The following TPCN1 variants were observed in gnomAD, a reference collection of about 807,000 sequenced individuals.
The protein encoded by TPCN1 is two pore channel protein 1.
TPCN1 carries 52 observed loss-of-function variants against 108.8 expected under a neutral mutation model. The ratio of observed to expected loss-of-function variants is 0.48; its 90% CI spans 0.38 to 0.60. The LOEUF (loss-of-function observed/expected upper bound fraction) is 0.60. Ranked by LOEUF, TPCN1 falls within the 20% of genes least tolerant of loss-of-function variation. TPCN1 has a pLI of 0.00. For synonymous variants in TPCN1, 446 were observed against 433.7 expected, an observed-to-expected ratio of 1.03 and a Z score of -0.35; for missense variants, 806 against 1,072.8, an observed-to-expected ratio of 0.75 and a Z score of 3.47.
chr12:113,273,253 A>G lies in TPCN1; in HGVS notation c.805A>G (p.Ser269Gly). 6.2e-7 allele frequency: 1 copy of G among 1,614,244 alleles called. No individual in the cohort carries two copies. The highest frequency in any genetic ancestry group is 8.5e-7 in the Non-Finnish European group (1 of 1,180,046). The change falls in exon 9 of 28, where the codon AGC (serine) becomes GGC (glycine). Residue 269 changes from serine (S) to glycine (G), a missense_variant. Ser to Gly is a moderately conservative substitution (Grantham distance 56, BLOSUM62 0). Transcript: ENST00000335509. The surrounding 1 kb of genome is among the most constrained non-coding windows in gnomAD (Gnocchi z 4.0). ...GCAGTACTTCAGCACCCTGGAGAAC[A>G]GCATCGTCAGTCTGTTTGTCCTTCT... ...SDPYFSTLEN[S>G]IVSLFVLLTT... is the part of the protein sequence containing the mutation.
At chr12:113,228,212 C>G (rs1953544117) in intron 2 of TPCN1, among the ~76,000 whole-genome samples, 1 of 152,304 alleles carries the variant, frequency 6.6e-6, no homozygotes, top group Middle Eastern at 3.4e-3. Flanking sequence ...GAGATTTGAA[C>G]CCAGCATCAT....
At chr12:113,246,486 CTGCATGTGGAGCT>C (rs1210122709) in intron 2 of TPCN1, among the ~76,000 whole-genome samples, 1 of 152,232 alleles carries the variant, frequency 6.6e-6, no homozygotes, top group East Asian at 1.9e-4. Flanking sequence ...TTTCTGAAAC[CTGCATGTGGAGCT>C]TGCTGGCTGT....
chr12:113,252,526 C>CTAGTG (rs1294918085), intron 2 of TPCN1, among the ~76,000 whole-genome samples: 2 of 152,216 alleles, frequency 1.3e-5, no homozygotes, highest in African/African-American at 2.4e-5. Context: ...ACACTCGTGT[C>CTAGTG]TAGTGTCAAG....
chr12:113,234,831 G>GT (rs1953824051), intron 2 of TPCN1, among the ~76,000 whole-genome samples: 1 of 152,142 alleles, frequency 6.6e-6, no homozygotes, highest in Non-Finnish European at 1.5e-5. Context: ...ACATTTGCCA[G>GT]TTTTTCAAAA....
chr12:113,261,849 C>T (rs941228271), intron 3 of TPCN1, among the ~76,000 whole-genome samples: 2 of 152,004 alleles, frequency 1.3e-5, no homozygotes, highest in Admixed American at 1.3e-4. Context: ...GCACCCCCCA[C>T]CCCCTTACAT....
At chr12:113,293,109 C>A in intron 26 of TPCN1, 36 bp downstream of exon 26, 2 of 1,602,956 alleles carry the variant, frequency 1.2e-6, no homozygotes, top group Non-Finnish European at 8.5e-7. Context: ...AGGAGGGAGG[C>A]AGGTTTCAGT....
chr12:113,236,549 G>A (rs904413065), intron 2 of TPCN1, among the ~76,000 whole-genome samples: 3 of 151,912 alleles, frequency 2.0e-5, no homozygotes, highest in African/African-American at 7.3e-5. Flanking sequence ...AAGGAGGGGG[G>A]TTGCAGTGAG....
chr12:113,250,634 T>A (rs1954597277), intron 2 of TPCN1, among the ~76,000 whole-genome samples: 1 of 152,184 alleles, frequency 6.6e-6, no homozygotes, highest in African/African-American at 2.4e-5. Flanking sequence ...AACAGGCCAG[T>A]TGTTGGTCTT....
At chr12:113,265,209 C>A (rs184564075) in intron 3 of TPCN1, among the ~76,000 whole-genome samples, 1 of 152,306 alleles carries the variant, frequency 6.6e-6, no homozygotes, top group Non-Finnish European at 1.5e-5. Context: ...ATATAACTTA[C>A]GATAATAGCA....
At chr12:113,254,999 A>G (rs1479622103) in intron 2 of TPCN1, among the ~76,000 whole-genome samples, 2 of 152,276 alleles carry the variant, frequency 1.3e-5, no homozygotes. Context: ...AGACAAAGAT[A>G]TCCCTTCTCA....
chr12:113,269,842 C>A lies in TPCN1; in HGVS notation c.745C>A (p.Leu249Ile). ...LLFFMIIFAILGFYLFSPNPS... is the reference protein window; with the variant it reads ...LLFFMIIFAIIGFYLFSPNPS... The stretch of plus-strand genomic sequence containing the variant: ...GTTCTTCATGATCATCTTTGCCATC[C>A]TCGGTGAGTTCCCGCCTCTCAGGCC... The change falls in exon 7 of 28, where the codon CTC (leucine) becomes ATC (isoleucine). Residue 249 changes from leucine to isoleucine, a missense_variant. Coordinates refer to ENST00000335509, the MANE Select transcript of TPCN1 (RefSeq NM_017901.6). The surrounding 1 kb of genome is among the most constrained non-coding windows in gnomAD (Gnocchi z 5.0). The A allele has an allele frequency of 6.2e-7, 1 of 1,613,862 alleles. No individual in the cohort carries two copies. Among genetic ancestry groups the A allele is most frequent in the Non-Finnish European group, 8.5e-7 (1 of 1,179,988 alleles).
intron 2 of TPCN1, among the ~76,000 whole-genome samples, chr12:113,254,019 A>G (rs1459635071): frequency 6.6e-6 from 1 of 152,220 alleles, no homozygotes; most frequent in African/African-American, 2.4e-5. Flanking sequence ...TCTGGTGGCA[A>G]GCTGCTAGGG....
chr12:113,239,646 C>T (rs7974974), intron 2 of TPCN1, among the ~76,000 whole-genome samples: 13,797 of 152,204 alleles, frequency 0.091, 716 homozygotes, highest in East Asian at 0.21. Context: ...TGTGATCAGA[C>T]CAGAAGTAGC....
chr12:113,288,677 A>C lies in TPCN1; in HGVS notation c.1707-81A>C. 1 of 1,582,314 alleles carries C rather than the reference A, an allele frequency of 6.3e-7. No individual in the cohort carries two copies. The highest frequency in any genetic ancestry group is 8.6e-7 in the Non-Finnish European group (1 of 1,167,934). Reference sequence around the variant, plus strand: ...GGGGCATGGCCCTGCAGTCAGCCCCACGGGTCCGAGGAGGCCGGGGCTGCA... The same window carrying C: ...GGGGCATGGCCCTGCAGTCAGCCCCCCGGGTCCGAGGAGGCCGGGGCTGCA... On this transcript the variant is annotated intron_variant, in intron 20 of 27. Coordinates refer to ENST00000335509, the MANE Select transcript of TPCN1 (RefSeq NM_017901.6). This position sits in a 1 kb window ranked among gnomAD's most constrained non-coding sequence, Gnocchi z 4.8.
At chr12:113,223,195 A>G (rs1282373749) in intron 1 of TPCN1, among the ~76,000 whole-genome samples, 7 of 152,236 alleles carry the variant, frequency 4.6e-5, no homozygotes, top group Non-Finnish European at 2.9e-5. Context: ...CTACGGGCTT[A>G]GCAGCAAGTA....
Position 113,232,900 on chromosome 12 carries a change from C to T in TPCN1, c.112+5936C>T, listed in dbSNP as rs118057521. ...GCAGGTGGCCCCTGCCAAGCTGGGA[C>T]GCCTCCGTGTAGCAGCTGGAGACCA... On this transcript the variant is annotated intron_variant, in intron 2 of 27. Coordinates refer to ENST00000335509, the MANE Select transcript of TPCN1 (RefSeq NM_017901.6). This position sits in a 1 kb window ranked among gnomAD's most constrained non-coding sequence, Gnocchi z 5.6. Among the ~76,000 whole-genome samples, 120 of 152,326 alleles carry T rather than the reference C, an allele frequency of 7.9e-4. 1 individual carries two copies. In the East Asian group the frequency reaches 0.015, roughly 19 times the overall value.
chr12:113,259,019 C>G (rs1954920812), intron 2 of TPCN1, among the ~76,000 whole-genome samples: 1 of 151,506 alleles, frequency 6.6e-6, no homozygotes, highest in African/African-American at 2.4e-5. Context: ...TGCTCTGTCC[C>G]CCAGGCTAGA....
intron 2 of TPCN1, among the ~76,000 whole-genome samples, chr12:113,248,824 A>G (rs970179656): frequency 2.0e-5 from 3 of 152,178 alleles, no homozygotes; most frequent in Non-Finnish European, 4.4e-5. Flanking sequence ...CTAAAAACAC[A>G]CACACGCACA....
At chr12:113,294,696 G>A (rs1956372365) in intron 27 of TPCN1, among the ~76,000 whole-genome samples, 1 of 151,424 alleles carries the variant, frequency 6.6e-6, no homozygotes, top group Non-Finnish European at 1.5e-5. Context: ...TTTACATATT[G>A]GCAGCTAAGG....
Sources: allele counts gnomAD v4.1 joint callset (sites outside exome capture counted in the v4.1 genomes callset), GRCh38; gene constraint gnomAD v4.1.1; non-coding constraint Gnocchi (gnomAD v3.1); transcripts MANE v1.5; gene names NCBI Gene and HGNC (gene_info 2026-07-23, HGNC 2026-07-21).